Variants in ZDHHC2 observed in about 807,000 individuals in gnomAD.
The protein encoded by ZDHHC2 is zDHHC palmitoyltransferase 2.
ZDHHC2 carries 51 observed loss-of-function variants against 55.6 expected under a neutral mutation model. The ratio of observed to expected loss-of-function variants is 0.92; its 90% CI spans 0.73 to 1.16. The LOEUF is 1.16. Among genes scored for constraint, ZDHHC2 ranks in the 50% most tolerant of loss-of-function variants. ZDHHC2 has a pLI of 0.00. For synonymous variants in ZDHHC2, 199 were observed against 152.9 expected, an observed-to-expected ratio of 1.30 and a Z score of -2.22; for missense variants, 491 against 442.4, an observed-to-expected ratio of 1.11 and a Z score of -0.99.
chr8:17,168,204 C>T (rs770249100), intron 1 of ZDHHC2, among the ~76,000 whole-genome samples: 7 of 152,144 alleles, frequency 4.6e-5, no homozygotes, highest in African/African-American at 7.2e-5. Flanking sequence ...AATTTTGGCT[C>T]GGCATTCTTT....
chr8:17,205,798 CT>C (rs778466919), intron 7 of ZDHHC2, 23 bp downstream of exon 7: 19 of 1,579,800 alleles, frequency 1.2e-5, no homozygotes, highest in Admixed American at 5.8e-5. Flanking sequence ...CTTGGTAACT[CT>C]TTTTTTGGTA....
chr8:17,195,171 G>A (rs1806241944), intron 3 of ZDHHC2, among the ~76,000 whole-genome samples: 1 of 152,000 alleles, frequency 6.6e-6, no homozygotes, highest in Non-Finnish European at 1.5e-5. Flanking sequence ...TTTATTCATT[G>A]GGCCATCTTA....
At chr8:17,204,510 A>G (rs891432478) in intron 6 of ZDHHC2, among the ~76,000 whole-genome samples, 1 of 152,264 alleles carries the variant, frequency 6.6e-6, no homozygotes, top group Non-Finnish European at 1.5e-5. Context: ...ACATTGACAC[A>G]AGGTCATCCA....
intron 6 of ZDHHC2, 126 bp from the exon 7 acceptor site, chr8:17,205,529 T>C: frequency 5.4e-6 from 6 of 1,110,716 alleles, no homozygotes; most frequent in Non-Finnish European, 7.4e-6. Context: ...AAAGAAATCT[T>C]ATGAGTTATA....
chr8:17,194,138 G>C (rs1806184349), intron 3 of ZDHHC2, among the ~76,000 whole-genome samples: 1 of 152,124 alleles, frequency 6.6e-6, no homozygotes, highest in Non-Finnish European at 1.5e-5. Context: ...TGGTATGTAT[G>C]TGCCACATGT....
At chr8:17,197,702 T>G in intron 5 of ZDHHC2, 51 bp downstream of exon 5, 2 of 1,507,112 alleles carry the variant, frequency 1.3e-6, no homozygotes, top group Non-Finnish European at 1.8e-6. Context: ...GGTCTTTTTC[T>G]TCATTATGTT....
At chr8:17,176,612 G>A (rs182158634) in intron 1 of ZDHHC2, among the ~76,000 whole-genome samples, 4 of 152,266 alleles carry the variant, frequency 2.6e-5, no homozygotes, top group Admixed American at 6.5e-5. Flanking sequence ...GGAGGATTGG[G>A]CTGGAGTCCA....
At chr8:17,184,229 A>C (rs961301557) in intron 1 of ZDHHC2, among the ~76,000 whole-genome samples, 1 of 152,198 alleles carries the variant, frequency 6.6e-6, no homozygotes, top group Non-Finnish European at 1.5e-5. Flanking sequence ...AATATTTACA[A>C]CAGCCGCTGA....
chr8:17,186,518 C>T, intron 3 of ZDHHC2, 93 bp downstream of exon 3: 2 of 734,666 alleles, frequency 2.7e-6, no homozygotes, highest in Non-Finnish European at 4.1e-6. Context: ...ATGTTGCAAA[C>T]TTATTGAGTT....
intron 3 of ZDHHC2, among the ~76,000 whole-genome samples, chr8:17,187,738 A>G (rs921061424): frequency 6.6e-6 from 1 of 152,054 alleles, no homozygotes; most frequent in African/African-American, 2.4e-5. Flanking sequence ...AGGTAGTCTC[A>G]TCCACTCTGG....
Position 17,220,955 on chromosome 8 carries a change from T to C in ZDHHC2, c.*734T>C, listed in dbSNP as rs1807892235. 6.6e-6 allele frequency: 1 copy of C among 152,220 alleles called. No individual in the cohort carries two copies. Among genetic ancestry groups the C allele is most frequent in the Non-Finnish European group, 1.5e-5 (1 of 68,030 alleles). 9.4% of individuals were successfully genotyped at this position (152,220 alleles called of 1,614,324 possible). A position where few individuals can be genotyped will look rare whatever the true frequency, so the allele number is the denominator to read the frequency against. On this transcript the variant is annotated 3_prime_UTR_variant, in exon 13 of 13. Transcript: ENST00000262096. The stretch of plus-strand genomic sequence containing the variant: ...CTATTACATCAGAAATATATTTTCA[T>C]CTCTTCTTGTTAAATTGGGAGGAAA...
chr8:17,168,752 C>T (rs1804722571), intron 1 of ZDHHC2, among the ~76,000 whole-genome samples: 1 of 152,088 alleles, frequency 6.6e-6, no homozygotes, highest in South Asian at 2.1e-4. Context: ...AATATTTGTC[C>T]TTTTGAATCT....
chr8:17,206,458 G>A (rs1585729042), intron 7 of ZDHHC2, among the ~76,000 whole-genome samples: 1 of 152,152 alleles, frequency 6.6e-6, no homozygotes, highest in Non-Finnish European at 1.5e-5. Context: ...CAGTTTTTCA[G>A]TGTTCACAAG....
At position 17,210,491 on chromosome 8, in the gene ZDHHC2, AT is replaced by A. The variant is rs746259603; in HGVS notation, c.950+19del. On this transcript the variant is annotated intron_variant, in intron 10 of 12. Coordinates refer to ENST00000262096, the MANE Select transcript of ZDHHC2 (RefSeq NM_016353.5). ...TTCCACAGCTAAAAAGTAATCTCAT[AT>A]TTTTTTTCATTTTACTTTCAAATAA... 4.5e-5 allele frequency: 70 copies of A among 1,565,850 alleles called. No homozygotes were observed. The highest frequency in any genetic ancestry group is 1.7e-4 in the Middle Eastern group (1 of 5,922).
intron 4 of ZDHHC2, 82 bp downstream of exon 4, chr8:17,195,706 T>C: frequency 6.5e-7 from 1 of 1,548,320 alleles, no homozygotes; most frequent in African/African-American, 1.4e-5. Context: ...TTTATGTACT[T>C]GAAATGGTAA....
chr8:17,201,844 A>G (rs1040825214), intron 6 of ZDHHC2, among the ~76,000 whole-genome samples: 4 of 151,888 alleles, frequency 2.6e-5, no homozygotes, highest in African/African-American at 9.7e-5. Context: ...TTGAACCTTC[A>G]TATCTGTCAA....
chr8:17,159,977 T>G (rs1804254335), intron 1 of ZDHHC2, among the ~76,000 whole-genome samples: 1 of 152,174 alleles, frequency 6.6e-6, no homozygotes, highest in African/African-American at 2.4e-5. Flanking sequence ...TTCCGTCAAG[T>G]AAGATAAACT....
chr8:17,189,417 G>A (rs777973698), intron 3 of ZDHHC2, among the ~76,000 whole-genome samples: 1 of 152,242 alleles, frequency 6.6e-6, no homozygotes, highest in East Asian at 1.9e-4. Flanking sequence ...TTAGAATGTA[G>A]GTTCCATAAG....
chr8:17,192,126 G>A (rs1806064307), intron 3 of ZDHHC2, among the ~76,000 whole-genome samples: 1 of 152,154 alleles, frequency 6.6e-6, no homozygotes, highest in Admixed American at 6.5e-5. Context: ...TGTGACTACA[G>A]GCATGCATCA....
Sources: allele counts gnomAD v4.1 joint callset (sites outside exome capture counted in the v4.1 genomes callset), GRCh38; gene constraint gnomAD v4.1.1; transcripts MANE v1.5; gene names NCBI Gene and HGNC (gene_info 2026-07-23, HGNC 2026-07-21).